Variants in DSEL observed in about 807,000 individuals in gnomAD.
The protein encoded by DSEL is dermatan-sulfate epimerase-like protein.
DSEL carries 61 observed loss-of-function variants against 96.6 expected under a neutral mutation model. That is an observed-to-expected ratio of 0.63 (90% confidence interval 0.51 to 0.78). The LOEUF is 0.78. Ranked by LOEUF, DSEL falls within the 30% of genes least tolerant of loss-of-function variation. The probability of loss-of-function intolerance (pLI) is 0.00; values close to 1 mark genes in which losing one functional copy is unlikely to be tolerated. For synonymous variants in DSEL, 514 were observed against 502.0 expected (o/e 1.02, Z -0.32); for missense variants, 1,320 against 1,430.8 (o/e 0.92, Z 1.25).
Position 67,513,772 on chromosome 18 carries a change from A to G in DSEL, c.837T>C (p.Tyr279=). Residue 279 remains tyrosine, a synonymous_variant, in exon 2 of 2, where the codon TAT becomes TAC. Coordinates refer to ENST00000310045, the MANE Select transcript of DSEL (RefSeq NM_032160.3). ...VDGSLDEGVA[Y]GSYTAKSVTQ... Reference sequence around the variant, plus strand: ...TGACGGATTTAGCTGTGTAGCTTCCATAGGCCACACCTTCATCCAAAGAAC... The same window carrying G: ...TGACGGATTTAGCTGTGTAGCTTCCGTAGGCCACACCTTCATCCAAAGAAC... 6.2e-7 allele frequency: 1 copy of G among 1,614,212 alleles called. No homozygotes were observed. The highest frequency in any genetic ancestry group is 2.2e-5 in the East Asian group (1 of 44,882).
In DSEL at chr18:67,514,632, T is replaced by C; in HGVS notation, c.-24A>G. On this transcript the variant is annotated 5_prime_UTR_variant, in exon 2 of 2. It removes the in-frame stop codon of an upstream open reading frame in the 5' UTR. Coordinates refer to ENST00000310045, the MANE Select transcript of DSEL (RefSeq NM_032160.3). ...ATGATCCATGGGGGAGCTCCTCCCT[T>C]AGGCATACATGTCAGATATGATGCT... The C allele has an allele frequency of 6.2e-7, 1 of 1,611,402 alleles. No homozygotes were observed. The highest frequency in any genetic ancestry group is 8.5e-7 in the Non-Finnish European group (1 of 1,178,676).
Position 67,507,663 on chromosome 18 carries a change from G to A in DSEL, c.*3307C>T, listed in dbSNP as rs1489295753. ...TTTGAATACATTTGCAGAGGGCAAT[G>A]TAGCAAGACCTGGGAATTTTGATAC... is the stretch of plus-strand genomic sequence containing the variant. On this transcript the variant is annotated 3_prime_UTR_variant, in exon 2 of 2. Transcript: ENST00000310045. 8.5e-5 allele frequency: 13 copies of A among 152,276 alleles called. No homozygotes were observed. Among genetic ancestry groups the A allele is most frequent in the African/African-American group, 3.1e-4 (13 of 41,558 alleles). The allele number at this position is 152,276 out of a possible 1,614,324, so 9.4% of individuals were successfully genotyped here. A position where few individuals can be genotyped will look rare whatever the true frequency, so the allele number is the denominator to read the frequency against.
rs911612578 is a variant in DSEL at position 67,510,120 on chromosome 18, G to C, written c.*850C>G. The C allele has an allele frequency of 2.0e-5, 3 of 152,230 alleles. No homozygotes were observed. Among genetic ancestry groups the C allele is most frequent in the African/African-American group, 7.2e-5 (3 of 41,456 alleles). The allele number at this position is 152,230 out of a possible 1,614,324, so 9.4% of individuals were successfully genotyped here. On this transcript the variant is annotated 3_prime_UTR_variant, in exon 2 of 2. Transcript: ENST00000310045. ...GGGGGAAAATGCCCCACAATATTGAGAGTTCAGCGATTAGTAACTACTGAT... is the reference window on the plus strand; with the variant it reads ...GGGGGAAAATGCCCCACAATATTGACAGTTCAGCGATTAGTAACTACTGAT...
rs755332288 is a variant in DSEL, at chr18:67,513,230, C to T, written c.1379G>A (p.Trp460Ter). 1.2e-6 allele frequency: 2 copies of T among 1,614,158 alleles called. No individual in the cohort carries two copies. Among genetic ancestry groups the T allele is most frequent in the Non-Finnish European group, 1.7e-6 (2 of 1,180,030 alleles). Residue 460 changes from tryptophan (W) to a stop codon, truncating the protein, a stop_gained, in exon 2 of 2, where the codon TGG (tryptophan) becomes TAG (stop). Transcript: ENST00000310045. LOFTEE classifies it high-confidence loss of function. ...CTCATGTCCTGGGTTAAAACTTCTC[C>T]ACCCATCAATCCAGGAATATGGCTG... ...HFQPYSWIDG[W>*]RSFNPGHEHP...
chr18:67,511,152 T>C lies in DSEL; in HGVS notation c.3457A>G (p.Ser1153Gly), dbSNP rs2089439543. 8 of 1,614,000 alleles carry C rather than the reference T, an allele frequency of 5.0e-6. No individual in the cohort carries two copies. Among genetic ancestry groups the C allele is most frequent in the Middle Eastern group, 1.6e-4 (1 of 6,084 alleles). Residue 1153 changes from serine (S) to glycine (G), a missense_variant, in exon 2 of 2, where the codon AGT becomes GGT. Around this residue, in one of 3 missense-constraint regions of DSEL, gnomAD observed 986 missense variants for 1,066.4 expected, o/e 0.92. Coordinates refer to ENST00000310045, the MANE Select transcript of DSEL (RefSeq NM_032160.3). ...GTGGCAAACAATATTTGGTTTAAAC[T>C]AGCAGGAGACAAAGGAATTCCAAGA... Reference protein sequence around the residue: ...AFLGIPLSPASLNQILFATST... With the variant: ...AFLGIPLSPAGLNQILFATST...
rs1234611472 is a variant in DSEL, at chr18:67,514,821, C to T, written c.-213G>A. Reference sequence around the variant, plus strand: ...TTAAATTGTATATCTCTGTCCCTGGCACAGTTTTGCTTCCAGTAAAACTTT... The same window carrying T: ...TTAAATTGTATATCTCTGTCCCTGGTACAGTTTTGCTTCCAGTAAAACTTT... On this transcript the variant is annotated 5_prime_UTR_variant, in exon 2 of 2. Coordinates refer to ENST00000310045, the MANE Select transcript of DSEL (RefSeq NM_032160.3). 2 of 544,796 alleles carry T rather than the reference C, an allele frequency of 3.7e-6. No homozygotes were observed. Among genetic ancestry groups the T allele is most frequent in the African/African-American group, 3.8e-5 (2 of 52,368 alleles). The allele number at this position is 544,796 out of a possible 1,614,324, so 33.7% of individuals were successfully genotyped here. A position where few individuals can be genotyped will look rare whatever the true frequency, so the allele number is the denominator to read the frequency against.
In DSEL at chr18:67,509,634, C is replaced by T. The variant is rs999570108; in HGVS notation, c.*1336G>A. The T allele has an allele frequency of 6.6e-6, 1 of 152,232 alleles. No individual in the cohort carries two copies. The highest frequency in any genetic ancestry group is 2.4e-5 in the African/African-American group (1 of 41,454). The allele number at this position is 152,232 out of a possible 1,614,324, so 9.4% of individuals were successfully genotyped here. A position where few individuals can be genotyped will look rare whatever the true frequency, so the allele number is the denominator to read the frequency against. On this transcript the variant is annotated 3_prime_UTR_variant, in exon 2 of 2. Coordinates refer to ENST00000310045, the MANE Select transcript of DSEL (RefSeq NM_032160.3). ...CTTTTATCTAGGTCAGAATGACAGACTTCCAAGTGTTAGAGAGCTTGGGGG... is the reference window on the plus strand; with the variant it reads ...CTTTTATCTAGGTCAGAATGACAGATTTCCAAGTGTTAGAGAGCTTGGGGG...
chr18:67,511,371 C>T lies in DSEL; in HGVS notation c.3238G>A (p.Glu1080Lys), dbSNP rs369391532. 1.7e-5 allele frequency: 27 copies of T among 1,603,206 alleles called. No homozygotes were observed. Among genetic ancestry groups the T allele is most frequent in the African/African-American group, 2.7e-5 (2 of 74,922 alleles). The change falls in exon 2 of 2, where the codon GAG becomes AAG. Residue 1080 changes from glutamate (E) to lysine (K), a missense_variant. This residue lies in a region of DSEL where 986 missense variants were observed against 1,066.4 expected (regional missense o/e 0.92). Coordinates refer to ENST00000310045, the MANE Select transcript of DSEL (RefSeq NM_032160.3). ...AATTCTTTCCTCAATGGTTCATACTCGAAAGCATAACCCGAATTTAAGTTA... is the reference window on the plus strand; with the variant it reads ...AATTCTTTCCTCAATGGTTCATACTTGAAAGCATAACCCGAATTTAAGTTA... ...KCNLNSGYAFEYEPLRKELSK... is the reference protein window; with the variant it reads ...KCNLNSGYAFKYEPLRKELSK...
In DSEL at chr18:67,510,255, T is replaced by C. The variant is rs2089433884; in HGVS notation, c.*715A>G. 1 of 152,174 alleles carries C rather than the reference T, an allele frequency of 6.6e-6. No homozygotes were observed. Among genetic ancestry groups the C allele is most frequent in the Admixed American group, 6.5e-5 (1 of 15,272 alleles). The allele number at this position is 152,174 out of a possible 1,614,324, so 9.4% of individuals were successfully genotyped here. On this transcript the variant is annotated 3_prime_UTR_variant, in exon 2 of 2. Transcript: ENST00000310045. ...AAGGAGAGTTTTAAACAGACAATCATGTCTAAAATAATCTACCAGCCCTTG... is the reference window on the plus strand; with the variant it reads ...AAGGAGAGTTTTAAACAGACAATCACGTCTAAAATAATCTACCAGCCCTTG...
chr18:67,512,599 C>T lies in DSEL; in HGVS notation c.2010G>A (p.Gln670=), dbSNP rs750267826. The change falls in exon 2 of 2, where the codon CAG becomes CAA. Residue 670 remains glutamine (Q), a synonymous_variant. Coordinates refer to ENST00000310045, the MANE Select transcript of DSEL (RefSeq NM_032160.3). The part of the protein sequence containing the change: ...RWTQFVNVTF[Q]MEPTITRIAY... ...CAATTCTTGTGATTGTGGGTTCCAT[C>T]TGAAAAGTAACATTAACAAATTGAG... The T allele has an allele frequency of 3.7e-6, 6 of 1,613,940 alleles. No homozygotes were observed. In the South Asian group the frequency reaches 5.5e-5, roughly 15 times the overall value.
In DSEL at chr18:67,511,231, C is replaced by T. The variant is rs2144048356; in HGVS notation, c.3378G>A (p.Lys1126=). The T allele has an allele frequency of 6.2e-7, 1 of 1,613,666 alleles. No individual in the cohort carries two copies. The highest frequency in any genetic ancestry group is 8.5e-7 in the Non-Finnish European group (1 of 1,180,026). The part of the protein sequence containing the change: ...DLLPTSYQLV[K]FEDIVHFPQK... ...GAGGAAAATGCACAATATCTTCAAACTTGACCAGCTGGTAGCTAGTAGGCA... is the reference window on the plus strand; with the variant it reads ...GAGGAAAATGCACAATATCTTCAAATTTGACCAGCTGGTAGCTAGTAGGCA... Residue 1126 remains lysine, a synonymous_variant, in exon 2 of 2, where the codon AAG becomes AAA. Transcript: ENST00000310045.
Position 67,514,203 on chromosome 18 carries a change from G to C in DSEL, c.406C>G (p.Pro136Ala). The C allele has an allele frequency of 6.2e-7, 1 of 1,613,992 alleles. No homozygotes were observed. The highest frequency in any genetic ancestry group is 8.5e-7 in the Non-Finnish European group (1 of 1,180,004). The change falls in exon 2 of 2, where the codon CCA becomes GCA. Residue 136 changes from proline to alanine, a missense_variant. This residue lies in a region of DSEL where 323 missense variants were observed against 333.1 expected (regional missense o/e 0.97). Coordinates refer to ENST00000310045, the MANE Select transcript of DSEL (RefSeq NM_032160.3). ...PPLALYCLLC[P>A]EDKVAFEFVL... Reference sequence around the variant, plus strand: ...AATTCAAAGGCAACTTTGTCTTCTGGGCATAACAAACAGTACAATGCTAAA... The same window carrying C: ...AATTCAAAGGCAACTTTGTCTTCTGCGCATAACAAACAGTACAATGCTAAA...
chr18:67,514,878 A>G lies in DSEL; in HGVS notation c.-270T>C, dbSNP rs2089466911. ...CGTTAAAATCTCTAATTTTTCCATA[A>G]TACACAGGGAAGTGATACAGGTAAA... On this transcript the variant is annotated 5_prime_UTR_variant, in exon 2 of 2. Coordinates refer to ENST00000310045, the MANE Select transcript of DSEL (RefSeq NM_032160.3). 2 of 466,358 alleles carry G rather than the reference A, an allele frequency of 4.3e-6. No individual in the cohort carries two copies. Among genetic ancestry groups the G allele is most frequent in the South Asian group, 1.2e-4 (2 of 17,158 alleles). 28.9% of individuals were successfully genotyped at this position (466,358 alleles called of 1,614,324 possible).
Position 67,511,327 on chromosome 18 carries a change from A to G in DSEL, c.3282T>C (p.Asn1094=). 1 of 1,606,466 alleles carries G rather than the reference A, an allele frequency of 6.2e-7. No homozygotes were observed. Among genetic ancestry groups the G allele is most frequent in the Non-Finnish European group, 8.5e-7 (1 of 1,179,992 alleles). Residue 1094 remains asparagine, a synonymous_variant, in exon 2 of 2, where the codon AAT becomes AAC. Transcript: ENST00000310045. ...LRKELSKSKS[N]AVSLLSHLWL... ...ACAAGTGAGACAAGAGGGACACTGC[A>G]TTTGATTTGGATTTTGATAATTCTT...
Position 67,514,279 on chromosome 18 carries a change from A to C in DSEL, c.330T>G (p.His110Gln), listed in dbSNP as rs749800085. Residue 110 changes from histidine to glutamine, a missense_variant, in exon 2 of 2, where the codon CAT (histidine) becomes CAG (glutamine). Transcript: ENST00000310045. ...NPTYYLPPPK[H>Q]ADFAAKWNEI... ...CATTCCACTTGGCAGCAAAATCAGC[A>C]TGCTTTGGTGGAGGTAGGTAGTATG... The C allele has an allele frequency of 1.9e-6, 3 of 1,614,094 alleles. No homozygotes were observed. Among genetic ancestry groups the C allele is most frequent in the African/African-American group, 2.7e-5 (2 of 74,942 alleles).
In DSEL at chr18:67,515,010, A is replaced by C. The variant is rs1421530238; in HGVS notation, c.-402T>G. The C allele has an allele frequency of 4.9e-6, 1 of 203,552 alleles. No homozygotes were observed. Among genetic ancestry groups the C allele is most frequent in the Non-Finnish European group, 1.1e-5 (1 of 92,464 alleles). The allele number at this position is 203,552 out of a possible 1,614,324, so 12.6% of individuals were successfully genotyped here. On this transcript the variant is annotated 5_prime_UTR_variant, in exon 2 of 2. The change abolishes the stop of an existing upstream ORF in the 5' untranslated region. Transcript: ENST00000310045. ...GAAAAAGCACTCCAAAATTCAAATT[A>C]AGAGTCATTTCTAGCACAGAAAACC...
chr18:67,511,781 T>C lies in DSEL; in HGVS notation c.2828A>G (p.Asn943Ser), dbSNP rs766657309. The change falls in exon 2 of 2, where the codon AAT becomes AGT. Residue 943 changes from asparagine to serine, a missense_variant. By Grantham distance (46) the Asn-to-Ser change is conservative (BLOSUM62 1). Coordinates refer to ENST00000310045, the MANE Select transcript of DSEL (RefSeq NM_032160.3). ...HLQNIHLHEP[N>S]RGKLAQYFAM... ...AAAATATTGGGCCAGTTTACCCCTA[T>C]TGGGTTCATGCAGATGGATGTTTTG... The C allele has an allele frequency of 3.1e-6, 5 of 1,614,204 alleles. No individual in the cohort carries two copies. In the South Asian group the frequency reaches 3.3e-5, roughly 11 times the overall value.
At position 67,514,123 on chromosome 18, in the gene DSEL, A is replaced by G. The variant is rs754587980; in HGVS notation, c.486T>C (p.Asn162=). ...MVGYKDWLVE[N]APGDEVPIGH... ...CAATTGGAACCTCATCTCCTGGTGC[A>G]TTCTCTACTAGCCAGTCTTTGTAGC... The change falls in exon 2 of 2, where the codon AAT becomes AAC. Residue 162 remains asparagine (N), a synonymous_variant. Coordinates refer to ENST00000310045, the MANE Select transcript of DSEL (RefSeq NM_032160.3). 10 of 1,614,098 alleles carry G rather than the reference A, an allele frequency of 6.2e-6. No individual in the cohort carries two copies. The highest frequency in any genetic ancestry group is 4.0e-5 in the African/African-American group (3 of 74,938).
At position 67,512,074 on chromosome 18, in the gene DSEL, A is replaced by G; in HGVS notation, c.2535T>C (p.Ser845=). Residue 845 remains serine (S), a synonymous_variant, in exon 2 of 2, where the codon TCT becomes TCC. Coordinates refer to ENST00000310045, the MANE Select transcript of DSEL (RefSeq NM_032160.3). ...CAGGAAGATCCATGTGGTGCCCTTCAGAAGACAAAGACTTCTTGCTTCCCT... is the reference window on the plus strand; with the variant it reads ...CAGGAAGATCCATGTGGTGCCCTTCGGAAGACAAAGACTTCTTGCTTCCCT... ...EAEGSKKSLS[S]EGHHMDLPDV... 6.2e-7 allele frequency: 1 copy of G among 1,614,180 alleles called. No homozygotes were observed.
Sources: allele counts gnomAD v4.1 joint callset, GRCh38; gene constraint gnomAD v4.1.1; regional missense constraint gnomAD v4.1.1; transcripts MANE v1.5; gene names NCBI Gene and HGNC (gene_info 2026-07-23, HGNC 2026-07-21).